The following CCDC171 variants were observed in gnomAD, a reference collection of about 807,000 sequenced individuals.
CCDC171 encodes coiled-coil domain-containing protein 171.
In CCDC171, 177 loss-of-function variants were observed where a neutral mutation model predicts 168.2. The ratio of observed to expected loss-of-function variants is 1.05; its 90% CI spans 0.93 to 1.19. The LOEUF (loss-of-function observed/expected upper bound fraction) is 1.19, where lower values mean the gene tolerates loss of function less well. Ranked by LOEUF, CCDC171 falls within the 50% of genes most tolerant of loss-of-function variation. The probability of loss-of-function intolerance (pLI) is 0.00; values close to 1 mark genes in which losing one functional copy is unlikely to be tolerated. For synonymous variants in CCDC171, 687 were observed against 540.8 expected, an observed-to-expected ratio of 1.27 and a Z score of -3.75; for missense variants, 1,991 against 1,539.0, an observed-to-expected ratio of 1.29 and a Z score of -4.91.
chr9:15,639,716 A>G (rs887106298), intron 7 of CCDC171, among the ~76,000 whole-genome samples: 15 of 152,104 alleles, frequency 9.9e-5, no homozygotes, highest in Admixed American at 9.2e-4. Context: ...TCAGAACTGC[A>G]TAGTTAATCA....
chr9:15,961,918 A>T (rs966748263), intron 25 of CCDC171, among the ~76,000 whole-genome samples: 1 of 152,150 alleles, frequency 6.6e-6, no homozygotes, highest in Non-Finnish European at 1.5e-5. Flanking sequence ...TTTTTTCATG[A>T]CGTAGTCTTG....
At chr9:15,993,873 G>A (rs556781130) in intron 3 of CCDC171, among the ~76,000 whole-genome samples, 103 of 152,226 alleles carry the variant, frequency 6.8e-4, no homozygotes, top group African/African-American at 2.3e-3. Flanking sequence ...AATGCAAATC[G>A]AAACCACAAT....
chr9:16,040,402 C>G (rs1833554008), upstream of CCDC171, among the ~76,000 whole-genome samples: 1 of 152,206 alleles, frequency 6.6e-6, no homozygotes, highest in Admixed American at 6.5e-5. Context: ...AATGAGCCCT[C>G]AGAGTTGTCT....
intron 9 of CCDC171, among the ~76,000 whole-genome samples, chr9:15,677,925 T>TATATATATA (rs59883669): frequency 0.032 from 1,332 of 41,838 alleles, 322 homozygotes; most frequent in East Asian, 0.1. Flanking sequence ...TATATATATA[T>TATATATATA]AAGAGATGTG....
intron 25 of CCDC171, among the ~76,000 whole-genome samples, chr9:15,929,707 T>A (rs528399693): frequency 6.6e-6 from 1 of 151,896 alleles, no homozygotes; most frequent in East Asian, 1.9e-4. Flanking sequence ...ATATCTAGTC[T>A]TTTTTCTTCT....
intron 7 of CCDC171, among the ~76,000 whole-genome samples, chr9:15,647,819 C>G (rs1433754557): frequency 1.3e-5 from 2 of 152,112 alleles, no homozygotes; most frequent in East Asian, 3.8e-4. Flanking sequence ...GCCAGAGGTA[C>G]AAGGAGGAGT....
intron 24 of CCDC171, among the ~76,000 whole-genome samples, chr9:15,878,889 C>T (rs1818223333): frequency 6.6e-6 from 1 of 152,244 alleles, no homozygotes; most frequent in Admixed American, 6.5e-5. Flanking sequence ...GAAAACCAAA[C>T]ACCACATGTT....
At chr9:15,656,221 C>T (rs1231491303) in intron 7 of CCDC171, among the ~76,000 whole-genome samples, 1 of 151,748 alleles carries the variant, frequency 6.6e-6, no homozygotes, top group Non-Finnish European at 1.5e-5. Context: ...ACTTGGGAGG[C>T]TGAGGCAGGA....
chr9:16,077,965 A>G, the CCDC171 span, among the ~76,000 whole-genome samples: 1 of 152,130 alleles, frequency 6.6e-6, no homozygotes, highest in African/African-American at 2.4e-5. Context: ...AAAACCTAAT[A>G]TACATTGTGA....
chr9:15,580,366 TTTAAACTAAAA>T (rs1554687501), intron 4 of CCDC171, among the ~76,000 whole-genome samples: 3 of 152,044 alleles, frequency 2.0e-5, no homozygotes, highest in Non-Finnish European at 2.9e-5. Flanking sequence ...TAAATAGATC[TTTAAACTAAAA>T]TTAAACTAAA....
At chr9:16,106,598 C>A in the CCDC171 span, among the ~76,000 whole-genome samples, 1 of 152,144 alleles carries the variant, frequency 6.6e-6, no homozygotes, top group South Asian at 2.1e-4. Context: ...ACAGTGAATT[C>A]CAGAACAAAG....
At chr9:15,584,263 A>G (rs1211209182) in intron 4 of CCDC171, among the ~76,000 whole-genome samples, 7 of 152,178 alleles carry the variant, frequency 4.6e-5, no homozygotes, top group African/African-American at 1.7e-4. Context: ...TTATGTAGAG[A>G]AGAAAAAGTA....
chr9:15,859,335 GC>G, intron 23 of CCDC171, among the ~76,000 whole-genome samples: 1 of 151,976 alleles, frequency 6.6e-6, no homozygotes, highest in East Asian at 1.9e-4. Flanking sequence ...AGGGATATTG[GC>G]CTGTAGCTTT....
rs1342237874 is a variant in CCDC171 at position 15,902,260 on chromosome 9, ATG to A, written c.3601-18008_3601-18007del. 2.2e-3 allele frequency among the ~76,000 whole-genome samples: 313 copies of A among 143,282 alleles called. 1 individual carries two copies. Among genetic ancestry groups the A allele is most frequent in the African/African-American group, 7.7e-3 (295 of 38,502 alleles). The allele number at this position is 143,282 out of a possible 152,430, so 94.0% of individuals were successfully genotyped here. ...CTATAAAATTCATATATATATATAT[ATG>A]TATATATATATATATATATACACAC... On this transcript the variant is annotated intron_variant, in intron 24 of 25. Transcript: ENST00000380701.
chr9:16,027,658 C>G (rs970524077), intron 6 of CCDC171, among the ~76,000 whole-genome samples: 3 of 152,160 alleles, frequency 2.0e-5, no homozygotes, highest in African/African-American at 7.2e-5. Context: ...ACTCGCCAAG[C>G]CTGGTGCACG....
intron 21 of CCDC171, among the ~76,000 whole-genome samples, chr9:15,795,376 G>A (rs1392564270): frequency 6.6e-6 from 1 of 152,112 alleles, no homozygotes; most frequent in Admixed American, 6.5e-5. Context: ...TGTTGCATTG[G>A]GGATTAAGAT....
downstream of CCDC171, among the ~76,000 whole-genome samples, chr9:16,065,832 G>GTGTGTGTGTGTT (rs1319755828): frequency 5.6e-4 from 85 of 151,668 alleles, no homozygotes; most frequent in African/African-American, 2.0e-3. Context: ...GTGTGTGTGT[G>GTGTGTGTGTGTT]TGTGTGTGTG....
chr9:15,820,744 A>C (rs1401569000), intron 21 of CCDC171, among the ~76,000 whole-genome samples: 1 of 117,798 alleles, frequency 8.5e-6, no homozygotes, highest in South Asian at 2.8e-4. Context: ...TCACAGCCGA[A>C]TTCTACCAGA....
intron 24 of CCDC171, among the ~76,000 whole-genome samples, chr9:15,877,454 T>A (rs577096427): frequency 6.6e-6 from 1 of 152,306 alleles, no homozygotes; most frequent in African/African-American, 2.4e-5. Context: ...TCTTTCCATT[T>A]AGTTTCTTCA....
Sources: allele counts gnomAD v4.1 joint callset (sites outside exome capture counted in the v4.1 genomes callset), GRCh38; gene constraint gnomAD v4.1.1; transcripts MANE v1.5; gene names NCBI Gene and HGNC (gene_info 2026-07-23, HGNC 2026-07-21).